SORCS1: variants seen among roughly 807,000 people sequenced by gnomAD.
SORCS1 encodes sortilin related VPS10 domain containing receptor 1.
In SORCS1, 60 loss-of-function variants were observed where a neutral mutation model predicts 146.1. The ratio of observed to expected loss-of-function variants is 0.41; its 90% CI spans 0.33 to 0.51. The LOEUF is 0.51. Among genes scored for constraint, SORCS1 ranks in the 20% least tolerant of loss-of-function variants. The pLI is 0.21. For synonymous variants in SORCS1, 637 were observed against 584.0 expected (o/e 1.09, Z -1.31); for missense variants, 1,352 against 1,487.6 (o/e 0.91, Z 1.50).
intron 6 of SORCS1, among the ~76,000 whole-genome samples, chr10:106,717,432 G>A (rs1192343465): frequency 6.6e-6 from 1 of 152,226 alleles, no homozygotes; most frequent in African/African-American, 2.4e-5. Flanking sequence ...TCTACACAGA[G>A]GACAAGATAC....
intron 18 of SORCS1, among the ~76,000 whole-genome samples, chr10:106,647,759 G>A (rs1286573479): frequency 1.3e-5 from 2 of 152,128 alleles, no homozygotes. Context: ...CACAATGTTG[G>A]TTTAGATAAA....
chr10:106,866,920 C>T (rs137879530), intron 2 of SORCS1, among the ~76,000 whole-genome samples: 18 of 152,322 alleles, frequency 1.2e-4, no homozygotes, highest in African/African-American at 3.4e-4. Flanking sequence ...TGCAAAGCCT[C>T]TCGTAACTCA....
chr10:106,905,938 A>G (rs1274309810), intron 2 of SORCS1, among the ~76,000 whole-genome samples: 1 of 152,146 alleles, frequency 6.6e-6, no homozygotes, highest in Non-Finnish European at 1.5e-5. Flanking sequence ...TTTTTGTACT[A>G]TCTCTGAGGT....
At chr10:106,774,187 T>C (rs970683646) in intron 4 of SORCS1, among the ~76,000 whole-genome samples, 1 of 152,192 alleles carries the variant, frequency 6.6e-6, no homozygotes, top group Non-Finnish European at 1.5e-5. Context: ...TTTTGGTTCT[T>C]ACCCTTAGCA....
intron 9 of SORCS1, among the ~76,000 whole-genome samples, chr10:106,690,388 A>G (rs1853206708): frequency 6.6e-6 from 1 of 152,220 alleles, no homozygotes; most frequent in South Asian, 2.1e-4. Flanking sequence ...CAATAACTGC[A>G]GAAGGAATAA....
intron 1 of SORCS1, among the ~76,000 whole-genome samples, chr10:107,019,292 C>G (rs561491347): frequency 1.3e-5 from 2 of 152,164 alleles, no homozygotes; most frequent in Non-Finnish European, 2.9e-5. Flanking sequence ...GACGATCATG[C>G]AGTCCTTGGC....
chr10:106,821,466 T>C (rs1948019840), intron 3 of SORCS1, among the ~76,000 whole-genome samples: 1 of 152,234 alleles, frequency 6.6e-6, no homozygotes. Flanking sequence ...CAATAACATA[T>C]AAACTTGATC....
At chr10:106,779,127 T>A (rs1425392376) in intron 3 of SORCS1, among the ~76,000 whole-genome samples, 3 of 152,154 alleles carry the variant, frequency 2.0e-5, no homozygotes, top group Non-Finnish European at 4.4e-5. Context: ...TTTCTGGATG[T>A]TGAAAATAGG....
Position 106,718,953 on chromosome 10 carries a change from C to T in SORCS1, c.1025-9612G>A, listed in dbSNP as rs917800022. Among the ~76,000 whole-genome samples, 116 of 151,948 alleles carry T rather than the reference C, an allele frequency of 7.6e-4. 1 individual carries two copies. The highest frequency in any genetic ancestry group is 2.7e-3 in the African/African-American group (111 of 41,406). On this transcript the variant is annotated intron_variant, in intron 6 of 25. Coordinates refer to ENST00000263054, the MANE Select transcript of SORCS1 (RefSeq NM_052918.5). The stretch of plus-strand genomic sequence containing the variant: ...CGTTTTTACAGAGTGCTGATTGGTG[C>T]GTTTACAAACCTTTAGCTAGACACA...
At chr10:106,864,856 A>G (rs993704026) in intron 2 of SORCS1, among the ~76,000 whole-genome samples, 1 of 152,212 alleles carries the variant, frequency 6.6e-6, no homozygotes, top group African/African-American at 2.4e-5. Context: ...CAACTGCTCT[A>G]TGAAAACGTG....
chr10:106,621,486 CTT>C (rs1040450792), intron 19 of SORCS1, among the ~76,000 whole-genome samples: 3 of 151,736 alleles, frequency 2.0e-5, no homozygotes, highest in African/African-American at 7.3e-5. Flanking sequence ...TGTGTTGAGA[CTT>C]TTTCACTCTC....
intron 1 of SORCS1, among the ~76,000 whole-genome samples, chr10:107,133,068 T>C (rs538905329): frequency 3.9e-5 from 6 of 152,212 alleles, no homozygotes; most frequent in African/African-American, 1.4e-4. Context: ...ACGTACAAAT[T>C]TATTACATTC....
rs184540188 is a variant in SORCS1, at chr10:106,984,626, C to T, written c.559-28046G>A. On this transcript the variant is annotated intron_variant, in intron 1 of 25. Coordinates refer to ENST00000263054, the MANE Select transcript of SORCS1 (RefSeq NM_052918.5). ...GCCAGGATGGTCTTTATCTCCTGAC[C>T]TCGTGATCCGCCCACCTGGGTCTCC... Among the ~76,000 whole-genome samples, 821 of 151,870 alleles carry T rather than the reference C, an allele frequency of 5.4e-3. 12 individuals are homozygous for T. The highest frequency in any genetic ancestry group is 0.019 in the African/African-American group (781 of 41,470).
At chr10:106,822,693 T>C (rs989521603) in intron 3 of SORCS1, among the ~76,000 whole-genome samples, 2 of 151,916 alleles carry the variant, frequency 1.3e-5, no homozygotes, top group African/African-American at 4.8e-5. Context: ...TCAGGTTAAG[T>C]GTAGGGAAGT....
chr10:106,835,862 G>A (rs965271759), intron 2 of SORCS1, among the ~76,000 whole-genome samples: 1 of 152,068 alleles, frequency 6.6e-6, no homozygotes, highest in Admixed American at 6.6e-5. Context: ...AAAATCAGCC[G>A]GATGTGGTGG....
intron 3 of SORCS1, among the ~76,000 whole-genome samples, chr10:106,777,450 G>T (rs1292245126): frequency 1.3e-5 from 2 of 152,186 alleles, no homozygotes; most frequent in African/African-American, 4.8e-5. Context: ...TCGAATGAAT[G>T]AATAAATGAA....
At chr10:107,150,929 G>T (rs1372291382) in intron 1 of SORCS1, among the ~76,000 whole-genome samples, 1 of 152,126 alleles carries the variant, frequency 6.6e-6, no homozygotes, top group Non-Finnish European at 1.5e-5. Context: ...TTTATAAATT[G>T]CCCAGTCCCG....
In SORCS1 at chr10:106,761,552, A is replaced by G. The variant is rs369831736; in HGVS notation, c.959+36T>C. ...TTACTAGGTCATATCTGACTAGGTC[A>G]TATCTTAATGTGCTACAAGATAAAG... On this transcript the variant is annotated intron_variant, in intron 5 of 25. Transcript: ENST00000263054. The G allele has an allele frequency of 4.5e-6, 7 of 1,569,772 alleles. No homozygotes were observed. In the African/African-American group the frequency reaches 6.8e-5, roughly 15 times the overall value.
At chr10:106,778,676 G>A (rs912501436) in intron 3 of SORCS1, among the ~76,000 whole-genome samples, 3 of 152,082 alleles carry the variant, frequency 2.0e-5, no homozygotes, top group African/African-American at 7.2e-5. Context: ...TAACAATAAT[G>A]TAAAACAACC....
Sources: gnomAD v4.1 joint callset for allele counts (sites outside exome capture counted in the v4.1 genomes callset) on GRCh38, gnomAD v4.1.1 for gene constraint, MANE v1.5 for transcripts, NCBI Gene and HGNC (gene_info 2026-07-23, HGNC 2026-07-21) for gene names.